OR4M1: variants seen among roughly 807,000 people sequenced by gnomAD.
The protein encoded by OR4M1 is olfactory receptor 4M1.
A neutral mutation model predicts 9.8 loss-of-function variants in OR4M1; 7 were observed. The observed-to-expected ratio is 0.71, with a 90% CI of 0.41 to 1.34. The LOEUF is 1.34. Among genes scored for constraint, OR4M1 ranks in the 40% most tolerant of loss-of-function variants. The pLI, the probability that OR4M1 is intolerant of heterozygous loss-of-function variation, is 0.01. For missense variants in OR4M1, 331 were observed against 380.4 expected, an observed-to-expected ratio of 0.87 and a Z score of 1.08; for synonymous variants, 121 against 139.8, an observed-to-expected ratio of 0.87 and a Z score of 0.95.
Position 19,778,019 on chromosome 14 carries a change from G to A in OR4M1, c.-29-2275G>A, listed in dbSNP as rs55657224. Among the ~76,000 whole-genome samples, 851 of 152,150 alleles carry A rather than the reference G, an allele frequency of 5.6e-3. 1 individual carries two copies. The highest frequency in any genetic ancestry group is 0.019 in the African/African-American group (805 of 41,416). On this transcript the variant is annotated intron_variant, in intron 1 of 1. Transcript: ENST00000641200. ...TTTCCACTTGACACTTGTGAAGGGT[G>A]GAGGACAGAGACACTCATCAAGAAG...
Sources: allele counts gnomAD v4.1 joint callset (sites outside exome capture counted in the v4.1 genomes callset), GRCh38; gene constraint gnomAD v4.1.1; transcripts MANE v1.5; gene names NCBI Gene and HGNC (gene_info 2026-07-23, HGNC 2026-07-21).